PCGF5: variants seen among roughly 807,000 people sequenced by gnomAD.
The protein encoded by PCGF5 is polycomb group RING finger protein 5.
Under a neutral mutation model 44.3 loss-of-function variants are expected in PCGF5, and 9 were observed. The ratio of observed to expected loss-of-function variants is 0.20; its 90% CI spans 0.12 to 0.35. The LOEUF is 0.35. PCGF5 is among the 10% of genes least tolerant of loss of function. The pLI is 1.00. For missense variants in PCGF5, 146 were observed against 305.3 expected (o/e 0.48, Z 3.89); for synonymous variants, 95 against 102.5 (o/e 0.93, Z 0.44).
chr10:91,184,882 C>T (rs1843890380), intron 1 of PCGF5, among the ~76,000 whole-genome samples: 1 of 152,200 alleles, frequency 6.6e-6, no homozygotes, highest in South Asian at 2.1e-4. Context: ...TGTACCCCTT[C>T]CTGTGGGAGT....
In PCGF5 at chr10:91,282,122, T is replaced by C. The variant is rs1485319390; in HGVS notation, c.*3806T>C. 6.6e-6 allele frequency: 1 copy of C among 152,170 alleles called. No individual in the cohort carries two copies. Among genetic ancestry groups the C allele is most frequent in the Non-Finnish European group, 1.5e-5 (1 of 68,024 alleles). The allele number at this position is 152,170 out of a possible 1,614,324, so 9.4% of individuals were successfully genotyped here. On this transcript the variant is annotated 3_prime_UTR_variant, in exon 10 of 10. Transcript: ENST00000336126. The stretch of plus-strand genomic sequence containing the variant: ...ATAGAAAAGACTTCATTCTATGGGA[T>C]TTATATAAGTAAGTGCTTTCTCTAT...
intron 1 of PCGF5, among the ~76,000 whole-genome samples, chr10:91,171,216 G>A (rs1843598454): frequency 6.6e-6 from 1 of 152,198 alleles, no homozygotes; most frequent in Non-Finnish European, 1.5e-5. Context: ...AAATACAGAT[G>A]TGGCATGGAG....
chr10:91,172,562 G>GAAT (rs1264832899), intron 1 of PCGF5, among the ~76,000 whole-genome samples: 1 of 152,208 alleles, frequency 6.6e-6, no homozygotes, highest in African/African-American at 2.4e-5. Context: ...CATCTGTGTG[G>GAAT]AATAGTATGG....
chr10:91,271,556 G>T (rs958116705), intron 8 of PCGF5, 82 bp from the exon 9 acceptor site: 9 of 1,134,672 alleles, frequency 7.9e-6, no homozygotes, highest in African/African-American at 1.6e-5. Context: ...TGTGTTTGAC[G>T]TTAAACTATT....
intron 2 of PCGF5, among the ~76,000 whole-genome samples, chr10:91,239,176 G>A (rs1845259438): frequency 6.6e-6 from 1 of 152,074 alleles, no homozygotes; most frequent in Non-Finnish European, 1.5e-5. Context: ...AACTAAAATT[G>A]TTTGTTTGCC....
In PCGF5 at chr10:91,271,136, A is replaced by T. The variant is rs1015688791; in HGVS notation, c.664-502A>T. On this transcript the variant is annotated intron_variant, in intron 8 of 9. Coordinates refer to ENST00000336126, the MANE Select transcript of PCGF5 (RefSeq NM_032373.5). ...TATATAATCTAATATATATATAATC[A>T]GCAATATAAAGCAACATAAAGAACC... Among the ~76,000 whole-genome samples the T allele has an allele frequency of 4.0e-5, 5 of 125,952 alleles. No homozygotes were observed. The South Asian group carries it at 9.2e-4, about 23-fold the overall frequency. 82.6% of individuals were successfully genotyped at this position (125,952 alleles called of 152,430 possible). A position where few individuals can be genotyped will look rare whatever the true frequency, so the allele number is the denominator to read the frequency against.
chr10:91,183,221 G>C (rs1428906332), intron 1 of PCGF5, among the ~76,000 whole-genome samples: 1 of 152,126 alleles, frequency 6.6e-6, no homozygotes, highest in Non-Finnish European at 1.5e-5. Flanking sequence ...TATTGTGTGG[G>C]AGTCTTAAGT....
chr10:91,193,551 G>C (rs1229861783), intron 1 of PCGF5, among the ~76,000 whole-genome samples: 2 of 151,978 alleles, frequency 1.3e-5, no homozygotes, highest in African/African-American at 4.8e-5. Context: ...GGGGTGGCGA[G>C]GGGTAGTTGG....
chr10:91,192,924 T>A (rs1353815361), intron 1 of PCGF5, among the ~76,000 whole-genome samples: 1 of 151,704 alleles, frequency 6.6e-6, no homozygotes, highest in African/African-American at 2.4e-5. Flanking sequence ...AAAGGGACTT[T>A]CCAGACCTAA....
At chr10:91,244,599 G>A (rs578200358) in intron 3 of PCGF5, among the ~76,000 whole-genome samples, 5 of 152,286 alleles carry the variant, frequency 3.3e-5, no homozygotes, top group South Asian at 2.1e-4. Flanking sequence ...AACACCGCGC[G>A]TATAACAAGG....
chr10:91,197,283 C>T (rs1844152845), intron 1 of PCGF5, among the ~76,000 whole-genome samples: 1 of 152,150 alleles, frequency 6.6e-6, no homozygotes, highest in Admixed American at 6.5e-5. Context: ...ACTGTCATGT[C>T]CTGGGTCTAG....
chr10:91,208,864 A>G (rs1844396771), intron 1 of PCGF5, among the ~76,000 whole-genome samples: 1 of 152,158 alleles, frequency 6.6e-6, no homozygotes, highest in Non-Finnish European at 1.5e-5. Context: ...CTGTTAGTCA[A>G]ACCAAACTTT....
chr10:91,205,888 G>A (rs1407938242), intron 1 of PCGF5, among the ~76,000 whole-genome samples: 3 of 152,084 alleles, frequency 2.0e-5, no homozygotes, highest in Non-Finnish European at 4.4e-5. Flanking sequence ...TACTTGGGAG[G>A]CTGAGGTGGG....
At chr10:91,159,072 C>G (rs919774700), upstream of PCGF5, among the ~76,000 whole-genome samples, 4 of 152,170 alleles carry the variant, frequency 2.6e-5, no homozygotes, top group African/African-American at 9.6e-5. Flanking sequence ...AGAAAGATAA[C>G]TGAGCACTTC....
At chr10:91,157,225 T>C in the PCGF5 span, among the ~76,000 whole-genome samples, 3 of 152,226 alleles carry the variant, frequency 2.0e-5, no homozygotes, top group Non-Finnish European at 2.9e-5. Context: ...AAACAACCCT[T>C]TGAGTTAGGC....
At chr10:91,226,275 CAAGTT>C (rs1360281921) in intron 2 of PCGF5, among the ~76,000 whole-genome samples, 3 of 45,146 alleles carry the variant, frequency 6.6e-5, no homozygotes, top group African/African-American at 1.5e-4. Flanking sequence ...AAAGAGTAAT[CAAGTT>C]AAGAAATGTA....
At chr10:91,185,957 C>G (rs1024781661) in intron 1 of PCGF5, among the ~76,000 whole-genome samples, 1 of 151,868 alleles carries the variant, frequency 6.6e-6, no homozygotes, top group Non-Finnish European at 1.5e-5. Context: ...GCTGTATTTA[C>G]TCGCCCCTTT....
At chr10:91,272,920 G>A (rs1368380761) in intron 9 of PCGF5, among the ~76,000 whole-genome samples, 1 of 152,210 alleles carries the variant, frequency 6.6e-6, no homozygotes. Flanking sequence ...TACCTCCAGT[G>A]TTACAGTTTT....
At chr10:91,184,089 G>A (rs183859458) in intron 1 of PCGF5, among the ~76,000 whole-genome samples, 1 of 152,096 alleles carries the variant, frequency 6.6e-6, no homozygotes, top group African/African-American at 2.4e-5. Flanking sequence ...TGCATTTCCT[G>A]AATTTGAAGG....
Sources: gnomAD v4.1 joint callset for allele counts (sites outside exome capture counted in the v4.1 genomes callset) on GRCh38, gnomAD v4.1.1 for gene constraint, MANE v1.5 for transcripts, NCBI Gene and HGNC (gene_info 2026-07-23, HGNC 2026-07-21) for gene names.